MSI2: variants seen among roughly 807,000 people sequenced by gnomAD.
MSI2 encodes RNA-binding protein Musashi homolog 2.
A neutral mutation model predicts 45.6 loss-of-function variants in MSI2; 17 were observed. That is an observed-to-expected ratio of 0.37 (90% CI 0.26 to 0.56). MSI2 has a LOEUF of 0.56. Ranked by LOEUF, MSI2 falls within the 20% of genes least tolerant of loss-of-function variation. MSI2 has a pLI of 0.77. For synonymous variants in MSI2, 156 were observed against 158.2 expected (o/e 0.99, Z 0.11); for missense variants, 293 against 444.2 (o/e 0.66, Z 3.06).
In MSI2 at chr17:57,581,994, G is replaced by T. The variant is rs1380695495; in HGVS notation, c.455-14874G>T. On this transcript the variant is annotated intron_variant, in intron 7 of 13. Coordinates refer to ENST00000284073, the MANE Select transcript of MSI2 (RefSeq NM_138962.4). Reference sequence around the variant, plus strand: ...AGACAAGCATCTCAGTTTGAAGAGTGAACCTCCCCAATGCCTCTCAGCACT... The same window carrying T: ...AGACAAGCATCTCAGTTTGAAGAGTTAACCTCCCCAATGCCTCTCAGCACT... Among the ~76,000 whole-genome samples the T allele has an allele frequency of 1.8e-4, 27 of 152,184 alleles. 1 individual carries two copies. The highest frequency in any genetic ancestry group is 1.8e-3 in the Admixed American group (27 of 15,280).
rs34727727 is a variant in MSI2, at chr17:57,512,968, C to CTTTTT, written c.406-16695_406-16691dup. 3.3e-3 allele frequency among the ~76,000 whole-genome samples: 381 copies of CTTTTT among 114,628 alleles called. 16 individuals carry two copies. Among genetic ancestry groups the CTTTTT allele is most frequent in the African/African-American group, 0.012 (344 of 28,722 alleles). 75.2% of individuals were successfully genotyped at this position (114,628 alleles called of 152,430 possible). A position where few individuals can be genotyped will look rare whatever the true frequency, so the allele number is the denominator to read the frequency against. On this transcript the variant is annotated intron_variant, in intron 6 of 13. Transcript: ENST00000284073. Reference sequence around the variant, plus strand: ...ATATTGCACATGAATTAGCTTCTTCCTTTTTTTTTTTTTTTTTCCTTCTGA... The same window carrying CTTTTT: ...ATATTGCACATGAATTAGCTTCTTCCTTTTTTTTTTTTTTTTTTTTTTCCTTCTGA...
At position 57,393,214 on chromosome 17, in the gene MSI2, G is replaced by A. The variant is rs570413821; in HGVS notation, c.313-8165G>A. On this transcript the variant is annotated intron_variant, in intron 5 of 13. Coordinates refer to ENST00000284073, the MANE Select transcript of MSI2 (RefSeq NM_138962.4). ...CTGAAACTTTTTGAGTGCTGTCATG[G>A]TGCTCAAGGGAAATGCTCGTTGGAG... Among the ~76,000 whole-genome samples the A allele has an allele frequency of 1.9e-4, 29 of 152,254 alleles. No homozygotes were observed. In the South Asian group the frequency reaches 4.8e-3, roughly 25 times the overall value.
intron 5 of MSI2, among the ~76,000 whole-genome samples, chr17:57,371,925 T>C (rs1685372272): frequency 6.6e-6 from 1 of 151,182 alleles, no homozygotes; most frequent in Non-Finnish European, 1.5e-5. Context: ...ATAATCTCCT[T>C]TACAATATCA....
chr17:57,524,919 G>A (rs923871446), intron 6 of MSI2, among the ~76,000 whole-genome samples: 3 of 152,202 alleles, frequency 2.0e-5, no homozygotes, highest in African/African-American at 7.2e-5. Flanking sequence ...GGAAAGAGGG[G>A]TCTCTGGGCC....
At chr17:57,446,619 G>A (rs2084905079) in intron 6 of MSI2, among the ~76,000 whole-genome samples, 1 of 152,224 alleles carries the variant, frequency 6.6e-6, no homozygotes, top group African/African-American at 2.4e-5. Context: ...AAAAGGTCAA[G>A]CATCCGTTCA....
rs560199296 is a variant in MSI2 at position 57,328,155 on chromosome 17, C to A, written c.312+65963C>A. Among the ~76,000 whole-genome samples, 7 of 152,224 alleles carry A rather than the reference C, an allele frequency of 4.6e-5. No homozygotes were observed. The South Asian group carries it at 1.5e-3, about 32-fold the overall frequency. ...TAACTACTTCTTTATGGCAAAAATC[C>A]CAAAATGTGCCTGTATTGGCTTCTG... is the stretch of plus-strand genomic sequence containing the variant. On this transcript the variant is annotated intron_variant, in intron 5 of 13. Coordinates refer to ENST00000284073, the MANE Select transcript of MSI2 (RefSeq NM_138962.4).
At chr17:57,535,021 G>C (rs2086893451) in intron 7 of MSI2, among the ~76,000 whole-genome samples, 1 of 152,240 alleles carries the variant, frequency 6.6e-6, no homozygotes, top group Non-Finnish European at 1.5e-5. Context: ...GAGGGACAGG[G>C]AGGGAAGAGG....
intron 6 of MSI2, among the ~76,000 whole-genome samples, chr17:57,477,145 G>GGTGTGTGTGTGTGTGT (rs59127306): frequency 2.5e-4 from 30 of 118,720 alleles, no homozygotes; most frequent in African/African-American, 2.8e-4. Flanking sequence ...CATAAGGCCT[G>GGTGTGTGTGTGTGTGT]GTGTGTGTGT....
chr17:57,310,038 T>TCA (rs1249873316), intron 5 of MSI2, among the ~76,000 whole-genome samples: 1 of 152,162 alleles, frequency 6.6e-6, no homozygotes, highest in Non-Finnish European at 1.5e-5. Context: ...CATTTGTGTG[T>TCA]CAGTTCAGAC....
intron 5 of MSI2, among the ~76,000 whole-genome samples, chr17:57,276,006 A>G (rs964043921): frequency 1.3e-4 from 20 of 151,850 alleles, no homozygotes; most frequent in African/African-American, 4.4e-4. Context: ...GTCTTGGGGG[A>G]GCATCTCTTT....
intron 6 of MSI2, chr17:57,523,701 T>C (rs949702569): frequency 1.3e-5 from 2 of 152,238 alleles, no homozygotes; most frequent in African/African-American, 4.8e-5. Context: ...TTAATGCCTG[T>C]GTTCCATGTG....
chr17:57,273,883 A>G (rs150173005), intron 5 of MSI2, among the ~76,000 whole-genome samples: 240 of 152,318 alleles, frequency 1.6e-3, no homozygotes, highest in African/African-American at 5.5e-3. Flanking sequence ...TTCATGGGAA[A>G]TAACTGTTTT....
At position 57,529,631 on chromosome 17, in the gene MSI2, T is replaced by C. The variant is rs761682085; in HGVS notation, c.406-45T>C. Reference sequence around the variant, plus strand: ...CATGCATATAATGTTTTGTGTACTTTCTTAAAATTCCTAAGGCAGCCTGTA... The same window carrying C: ...CATGCATATAATGTTTTGTGTACTTCCTTAAAATTCCTAAGGCAGCCTGTA... On this transcript the variant is annotated intron_variant, in intron 6 of 13. Coordinates refer to ENST00000284073, the MANE Select transcript of MSI2 (RefSeq NM_138962.4). This position sits in a 1 kb window ranked among gnomAD's most constrained non-coding sequence, Gnocchi z 5.3. 1 of 1,590,994 alleles carries C rather than the reference T, an allele frequency of 6.3e-7. No homozygotes were observed. Among genetic ancestry groups the C allele is most frequent in the South Asian group, 1.1e-5 (1 of 90,032 alleles).
At chr17:57,440,413 C>CCT in intron 6 of MSI2, among the ~76,000 whole-genome samples, 1 of 104,596 alleles carries the variant, frequency 9.6e-6, no homozygotes, top group East Asian at 3.4e-4. Flanking sequence ...GTTTGTTATC[C>CCT]GTGTGTGTGT....
chr17:57,297,929 C>T (rs1008737157), intron 5 of MSI2, among the ~76,000 whole-genome samples: 1 of 152,186 alleles, frequency 6.6e-6, no homozygotes, highest in African/African-American at 2.4e-5. Flanking sequence ...GCTTACAGTT[C>T]CCTTGCTCTT....
At chr17:57,256,358 C>T (rs1906707833), upstream of MSI2, among the ~76,000 whole-genome samples, 1 of 151,074 alleles carries the variant, frequency 6.6e-6, no homozygotes, top group Admixed American at 6.6e-5. Context: ...CGCGGGCAGG[C>T]GGGGGCCGCA....
chr17:57,528,246 G>C (rs968581699), intron 6 of MSI2, among the ~76,000 whole-genome samples: 1 of 152,208 alleles, frequency 6.6e-6, no homozygotes, highest in Non-Finnish European at 1.5e-5. Context: ...CTGTGCTAAA[G>C]ATGTGTGCTC....
At chr17:57,356,030 C>T (rs796471723) in intron 5 of MSI2, among the ~76,000 whole-genome samples, 150 of 152,072 alleles carry the variant, frequency 9.9e-4, no homozygotes, top group African/African-American at 2.8e-3. Context: ...CCCACCCCCA[C>T]GCCCAGCTAA....
At chr17:57,502,271 C>G (rs2086123488) in intron 6 of MSI2, among the ~76,000 whole-genome samples, 1 of 152,122 alleles carries the variant, frequency 6.6e-6, no homozygotes, top group African/African-American at 2.4e-5. Context: ...ATGAGTTTAA[C>G]TTTTCTCATC....
Sources: gnomAD v4.1 joint callset for allele counts (sites outside exome capture counted in the v4.1 genomes callset) on GRCh38, gnomAD v4.1.1 for gene constraint, Gnocchi (gnomAD v3.1) non-coding constraint, MANE v1.5 for transcripts, NCBI Gene and HGNC (gene_info 2026-07-23, HGNC 2026-07-21) for gene names.